CDH13: variants seen among roughly 807,000 people sequenced by gnomAD.
The protein encoded by CDH13 is cadherin-13.
A neutral mutation model predicts 63.8 loss-of-function variants in CDH13; 24 were observed. That is an observed-to-expected ratio of 0.38 (90% CI 0.27 to 0.53). CDH13 has a LOEUF of 0.53. Ranked by LOEUF, CDH13 falls within the 20% of genes least tolerant of loss-of-function variation. CDH13 has a pLI of 0.85. For synonymous variants in CDH13, 503 were observed against 355.3 expected (o/e 1.42, Z -4.67); for missense variants, 1,049 against 903.1 (o/e 1.16, Z -2.07).
intron 3 of CDH13, among the ~76,000 whole-genome samples, chr16:83,117,505 G>C (rs1035930436): frequency 6.6e-6 from 1 of 151,624 alleles, no homozygotes; most frequent in South Asian, 2.1e-4. Context: ...TTTTTCTCTT[G>C]AGCCATATGT....
intron 1 of CDH13, among the ~76,000 whole-genome samples, chr16:82,695,180 C>G (rs368870575): frequency 8.5e-5 from 13 of 152,124 alleles, no homozygotes; most frequent in Admixed American, 2.6e-4. Flanking sequence ...CCTTGTCAAC[C>G]TAGCTGCTTT....
At chr16:83,608,528 G>A (rs1238866680) in intron 8 of CDH13, among the ~76,000 whole-genome samples, 1 of 152,080 alleles carries the variant, frequency 6.6e-6, no homozygotes, top group East Asian at 1.9e-4. Context: ...CACCCAGGCT[G>A]GAGTGCAGTA....
At chr16:83,277,053 GTGGGAGTTCAAGATGAAAT>G (rs1224797255) in intron 5 of CDH13, among the ~76,000 whole-genome samples, 1 of 152,070 alleles carries the variant, frequency 6.6e-6, no homozygotes, top group African/African-American at 2.4e-5. Context: ...CCAACAACAT[GTGGGAGTTCAAGATGAAAT>G]TTGGGTGGCA....
At chr16:83,611,285 C>G (rs1415341938) in intron 8 of CDH13, among the ~76,000 whole-genome samples, 1 of 151,898 alleles carries the variant, frequency 6.6e-6, no homozygotes, top group Non-Finnish European at 1.5e-5. Flanking sequence ...TAATGAATTC[C>G]AATGTTGGTT....
At chr16:82,879,836 G>C (rs2040632746) in intron 2 of CDH13, among the ~76,000 whole-genome samples, 1 of 122,006 alleles carries the variant, frequency 8.2e-6, no homozygotes, top group Admixed American at 9.6e-5. Context: ...TATAAATTAT[G>C]CAAATTATAT....
intron 6 of CDH13, among the ~76,000 whole-genome samples, chr16:83,412,094 A>G (rs1002713441): frequency 2.0e-5 from 3 of 152,224 alleles, no homozygotes; most frequent in African/African-American, 4.8e-5. Flanking sequence ...ACTTCATACC[A>G]TTAATGACCA....
chr16:83,156,121 C>G (rs2037197857), intron 4 of CDH13, among the ~76,000 whole-genome samples: 2 of 152,310 alleles, frequency 1.3e-5, no homozygotes, highest in African/African-American at 4.8e-5. Context: ...AGTACTAAAG[C>G]TTCTTCAGCA....
chr16:83,652,807 C>T (rs983043058), intron 8 of CDH13, among the ~76,000 whole-genome samples: 5 of 152,142 alleles, frequency 3.3e-5, no homozygotes, highest in Non-Finnish European at 5.9e-5. Context: ...AGGTGTAAAC[C>T]GAAGAGAATG....
At chr16:83,476,420 C>T (rs949475038) in intron 6 of CDH13, among the ~76,000 whole-genome samples, 4 of 152,220 alleles carry the variant, frequency 2.6e-5, no homozygotes, top group East Asian at 1.9e-4. Flanking sequence ...CACCTGTAAT[C>T]CCAGCACTTT....
chr16:83,083,958 A>G (rs2151568502), intron 3 of CDH13, among the ~76,000 whole-genome samples: 1 of 152,346 alleles, frequency 6.6e-6, no homozygotes, highest in African/African-American at 2.4e-5. Flanking sequence ...ACCCTTTACC[A>G]ATTGCAGCTG....
chr16:83,472,922 G>T (rs1379618737), intron 6 of CDH13, among the ~76,000 whole-genome samples: 1 of 152,130 alleles, frequency 6.6e-6, no homozygotes, highest in Non-Finnish European at 1.5e-5. Context: ...TGATGGCTTG[G>T]AAGAGGTAAT....
chr16:83,184,588 C>G (rs1434950975), intron 4 of CDH13, among the ~76,000 whole-genome samples: 1 of 152,204 alleles, frequency 6.6e-6, no homozygotes, highest in East Asian at 1.9e-4. Flanking sequence ...AACCTCTCCT[C>G]TACTAAAAAT....
Position 83,798,625 on chromosome 16 carries a change from C to T in CDH13, c.*3595C>T, listed in dbSNP as rs756787579. ...TCTGGCTCCAGGGTTCATGTTCTTC[C>T]GACAACATCACAATGCCACTCTCAA... On this transcript the variant is annotated 3_prime_UTR_variant, in exon 14 of 14. Transcript: ENST00000567109. 15 of 152,140 alleles carry T rather than the reference C, an allele frequency of 9.9e-5. No individual in the cohort carries two copies. The highest frequency in any genetic ancestry group is 3.2e-3 in the Middle Eastern group (1 of 316). The allele number at this position is 152,140 out of a possible 1,614,324, so 9.4% of individuals were successfully genotyped here.
At chr16:83,000,987 A>T (rs988440314) in intron 2 of CDH13, among the ~76,000 whole-genome samples, 3 of 152,054 alleles carry the variant, frequency 2.0e-5, no homozygotes, top group African/African-American at 7.2e-5. Context: ...ACCCCTTCCA[A>T]ACCTCAGCTG....
Position 83,602,134 on chromosome 16 carries a change from AAAAAAAAAACC to A in CDH13, c.961-319_961-309del, listed in dbSNP as rs1452711034. ...AAAAAAAAAAAAAAAAAAAAAAAAA[AAAAAAAAAACC>A]CAAAGGACAATGTATACCCAAGCCC... is the stretch of plus-strand genomic sequence containing the variant. On this transcript the variant is annotated intron_variant, in intron 7 of 13. Coordinates refer to ENST00000567109, the MANE Select transcript of CDH13 (RefSeq NM_001257.5). Among the ~76,000 whole-genome samples, 83 of 94,374 alleles carry A rather than the reference AAAAAAAAAACC, an allele frequency of 8.8e-4. 1 individual carries two copies. The highest frequency in any genetic ancestry group is 5.3e-3 in the African/African-American group (78 of 14,640). The allele number at this position is 94,374 out of a possible 152,430, so 61.9% of individuals were successfully genotyped here. A position where few individuals can be genotyped will look rare whatever the true frequency, so the allele number is the denominator to read the frequency against.
intron 3 of CDH13, among the ~76,000 whole-genome samples, chr16:83,059,317 G>C (rs1362522149): frequency 2.0e-5 from 3 of 152,154 alleles, no homozygotes; most frequent in Non-Finnish European, 2.9e-5. Context: ...TGGGAGCAGG[G>C]AGAGCGGGTG....
chr16:83,296,010 G>C (rs973958788), intron 5 of CDH13, among the ~76,000 whole-genome samples: 1 of 152,112 alleles, frequency 6.6e-6, no homozygotes, highest in African/African-American at 2.4e-5. Flanking sequence ...TGATGTTTCA[G>C]AGAAATAAAC....
intron 4 of CDH13, among the ~76,000 whole-genome samples, chr16:83,215,071 C>CTTTTTTTTTTTTTTTTTTTTTTT (rs1450398839): frequency 7.4e-5 from 1 of 13,442 alleles, no homozygotes; most frequent in African/African-American, 1.8e-4. Context: ...TATCAAACAC[C>CTTTTTTTTTTTTTTTTTTTTTTT]TCTTTTTTTT....
rs143474447 is a variant in CDH13 at position 83,600,097 on chromosome 16, G to A, written c.961-2357G>A. On this transcript the variant is annotated intron_variant, in intron 7 of 13. Coordinates refer to ENST00000567109, the MANE Select transcript of CDH13 (RefSeq NM_001257.5). ...AGCATCTATACCGAGAGATGCCAACGAAACCAGCCAGGAGCAAAATTACCA... is the reference window on the plus strand; with the variant it reads ...AGCATCTATACCGAGAGATGCCAACAAAACCAGCCAGGAGCAAAATTACCA... Among the ~76,000 whole-genome samples the A allele has an allele frequency of 1.2e-4, 18 of 152,252 alleles. No individual in the cohort carries two copies. The East Asian group carries it at 3.1e-3, about 26-fold the overall frequency.
Sources: gnomAD v4.1 joint callset for allele counts (sites outside exome capture counted in the v4.1 genomes callset) on GRCh38, gnomAD v4.1.1 for gene constraint, MANE v1.5 for transcripts, NCBI Gene and HGNC (gene_info 2026-07-23, HGNC 2026-07-21) for gene names.